The following BLOC1S6 variants were observed in gnomAD, a reference collection of about 807,000 sequenced individuals.
The protein encoded by BLOC1S6 is biogenesis of lysosome-related organelles complex 1 subunit 6.
A neutral mutation model predicts 24.7 loss-of-function variants in BLOC1S6; 24 were observed. The ratio of observed to expected loss-of-function variants is 0.97; its 90% confidence interval spans 0.70 to 1.37. The LOEUF (loss-of-function observed/expected upper bound fraction) is 1.37, where lower values mean the gene tolerates loss of function less well. Among genes scored for constraint, BLOC1S6 ranks in the 40% most tolerant of loss-of-function variants. The probability of loss-of-function intolerance (pLI) is 0.00; values close to 1 mark genes in which losing one functional copy is unlikely to be tolerated. For synonymous variants in BLOC1S6, 76 were observed against 72.6 expected (o/e 1.05, Z -0.23); for missense variants, 175 against 196.2 (o/e 0.89, Z 0.64).
At chr15:45,603,817 G>T (rs1003899113) in intron 3 of BLOC1S6, among the ~76,000 whole-genome samples, 1 of 151,922 alleles carries the variant, frequency 6.6e-6, no homozygotes, top group Non-Finnish European at 1.5e-5. Context: ...CAATTACATG[G>T]TTTCTTAAAT....
In BLOC1S6 at chr15:45,592,139, A is replaced by G. The variant is rs1893909245; in HGVS notation, c.87A>G (p.Leu29=). 1.2e-6 allele frequency: 2 copies of G among 1,613,990 alleles called. No individual in the cohort carries two copies. The highest frequency in any genetic ancestry group is 1.7e-6 in the Non-Finnish European group (2 of 1,180,026). Residue 29 remains leucine, a synonymous_variant, in exon 2 of 5, where the codon TTA becomes TTG. Transcript: ENST00000220531. ...TTTGATTTTTGCTGGGGACAGGTTT[A>G]AGTGACACTTCTCCAGATGAAGGGT... ...CLEAGEPTPG[L]SDTSPDEGLI...
chr15:45,592,417 A>G lies in BLOC1S6; in HGVS notation c.224+141A>G, dbSNP rs539991221. The G allele has an allele frequency of 2.8e-6, 3 of 1,055,574 alleles. No individual in the cohort carries two copies. In the African/African-American group the frequency reaches 4.7e-5, roughly 17 times the overall value. The allele number at this position is 1,055,574 out of a possible 1,614,324, so 65.4% of individuals were successfully genotyped here. On this transcript the variant is annotated intron_variant, in intron 2 of 4. Transcript: ENST00000220531. ...ATGTCTATATCTTTATTGATAGCAG[A>G]TGGGAATAGAGGAGTACATAGTATT...
chr15:45,593,076 T>C (rs1218245773), intron 2 of BLOC1S6, among the ~76,000 whole-genome samples: 2 of 152,060 alleles, frequency 1.3e-5, no homozygotes, highest in Non-Finnish European at 2.9e-5. Context: ...TAATCCTTAG[T>C]GTTAAGGTGC....
At chr15:45,598,037 G>T (rs998174060) in intron 2 of BLOC1S6, 2 of 171,670 alleles carry the variant, frequency 1.2e-5, no homozygotes, top group South Asian at 2.0e-4. Context: ...TTCAATATAC[G>T]CAAATCAATA....
chr15:45,595,684 G>A (rs896013417), intron 2 of BLOC1S6, among the ~76,000 whole-genome samples: 2 of 151,956 alleles, frequency 1.3e-5, no homozygotes, highest in South Asian at 2.1e-4. Flanking sequence ...TATGAATTGT[G>A]CTTTTGGTAG....
chr15:45,602,697 C>T (rs1894312146), intron 2 of BLOC1S6, among the ~76,000 whole-genome samples: 1 of 152,172 alleles, frequency 6.6e-6, no homozygotes, highest in Admixed American at 6.5e-5. Context: ...ATCTTCCTCA[C>T]CTCTAATCTG....
intron 1 of BLOC1S6, 112 bp downstream of exon 1, chr15:45,587,637 G>A (rs1426834134): frequency 1.1e-5 from 12 of 1,066,306 alleles, no homozygotes; most frequent in African/African-American, 1.6e-5. Flanking sequence ...TGGCGGCTGC[G>A]GCCCCCGGGC....
intron 3 of BLOC1S6, 89 bp downstream of exon 3, chr15:45,603,276 T>A: frequency 1.2e-5 from 10 of 825,612 alleles, no homozygotes; most frequent in Non-Finnish European, 2.0e-5. Flanking sequence ...ATTTTAAGCT[T>A]AGAATTTGTC....
intron 1 of BLOC1S6, among the ~76,000 whole-genome samples, chr15:45,590,604 C>T (rs1365997605): frequency 1.3e-5 from 2 of 152,046 alleles, no homozygotes; most frequent in Non-Finnish European, 1.5e-5. Flanking sequence ...GATGGAGTTT[C>T]ACCATGTTGG....
rs1192177013 is a variant in BLOC1S6 at position 45,587,517 on chromosome 15, C to G, written c.74C>G (p.Pro25Arg). 5 of 1,574,066 alleles carry G rather than the reference C, an allele frequency of 3.2e-6. No homozygotes were observed. The highest frequency in any genetic ancestry group is 4.3e-6 in the Non-Finnish European group (5 of 1,160,332). ...RPPYCLEAGE[P>R]TPGLSDTSPD... Reference sequence around the variant, plus strand: ...CCCTACTGCCTGGAGGCCGGGGAGCCGACGCCTGGTACGTACTATCGGGTG... The same window carrying G: ...CCCTACTGCCTGGAGGCCGGGGAGCGGACGCCTGGTACGTACTATCGGGTG... The change falls in exon 1 of 5, where the codon CCG (proline) becomes CGG (arginine). Residue 25 changes from proline (P) to arginine (R), a missense_variant. Transcript: ENST00000220531.
intron 2 of BLOC1S6, among the ~76,000 whole-genome samples, chr15:45,597,574 C>G (rs1014403195): frequency 2.6e-5 from 4 of 152,132 alleles, no homozygotes; most frequent in African/African-American, 4.8e-5. Context: ...ATACTTTTTG[C>G]ATATAGCTCC....
intron 1 of BLOC1S6, among the ~76,000 whole-genome samples, chr15:45,588,491 CCT>C: frequency 6.6e-6 from 1 of 152,052 alleles, no homozygotes; most frequent in South Asian, 2.1e-4. Context: ...TGGACTTTTT[CCT>C]CTCTCTCTCC....
chr15:45,587,323 C>T (rs1000189706), upstream of BLOC1S6: 3 of 987,592 alleles, frequency 3.0e-6, no homozygotes, highest in East Asian at 2.6e-5. Flanking sequence ...GTTTTTTCGC[C>T]CCCGTCACTT....
chr15:45,606,724 C>G lies in BLOC1S6; in HGVS notation c.*210C>G. 1 of 587,490 alleles carries G rather than the reference C, an allele frequency of 1.7e-6. No homozygotes were observed. The highest frequency in any genetic ancestry group is 3.5e-4 in the Middle Eastern group (1 of 2,864). The allele number at this position is 587,490 out of a possible 1,614,324, so 36.4% of individuals were successfully genotyped here. A position where few individuals can be genotyped will look rare whatever the true frequency, so the allele number is the denominator to read the frequency against. ...TTATATGTAAGTTTTTCAAATTTTG[C>G]TTAATTTTAAAATTTATTATTTTGA... On this transcript the variant is annotated 3_prime_UTR_variant, in exon 5 of 5. Coordinates refer to ENST00000220531, the MANE Select transcript of BLOC1S6 (RefSeq NM_012388.4).
chr15:45,594,808 C>T (rs1894008840), intron 2 of BLOC1S6, among the ~76,000 whole-genome samples: 2 of 152,142 alleles, frequency 1.3e-5, no homozygotes, highest in South Asian at 4.1e-4. Context: ...TGGTTTTGAA[C>T]TCCTGACCTC....
Position 45,607,027 on chromosome 15 carries a change from T to C in BLOC1S6, c.*513T>C, listed in dbSNP as rs1193940710. ...TGAACAGTTGAATTTCATCAGAAGC[T>C]CTATAGCTTTTTGGTGAGAGGAAGT... is the stretch of plus-strand genomic sequence containing the variant. On this transcript the variant is annotated 3_prime_UTR_variant, in exon 5 of 5. Coordinates refer to ENST00000220531, the MANE Select transcript of BLOC1S6 (RefSeq NM_012388.4). 6.5e-6 allele frequency: 1 copy of C among 154,124 alleles called. No homozygotes were observed. Among genetic ancestry groups the C allele is most frequent in the Non-Finnish European group, 1.4e-5 (1 of 69,424 alleles). 9.5% of individuals were successfully genotyped at this position (154,124 alleles called of 1,614,324 possible). A position where few individuals can be genotyped will look rare whatever the true frequency, so the allele number is the denominator to read the frequency against.
Position 45,608,787 on chromosome 15 carries a change from A to G in BLOC1S6, c.*2273A>G, listed in dbSNP as rs1450360724. ...CACGAGTCACTAGTATAGACTATCTATCTAGTGAGTTGTATTATAAGCGAT... is the reference window on the plus strand; with the variant it reads ...CACGAGTCACTAGTATAGACTATCTGTCTAGTGAGTTGTATTATAAGCGAT... On this transcript the variant is annotated 3_prime_UTR_variant, in exon 5 of 5. Transcript: ENST00000220531. 2 of 152,202 alleles carry G rather than the reference A, an allele frequency of 1.3e-5. No individual in the cohort carries two copies. Among genetic ancestry groups the G allele is most frequent in the East Asian group, 1.9e-4 (1 of 5,198 alleles). The allele number at this position is 152,202 out of a possible 1,614,324, so 9.4% of individuals were successfully genotyped here.
chr15:45,594,693 C>T (rs1232114461), intron 2 of BLOC1S6, among the ~76,000 whole-genome samples: 1 of 152,100 alleles, frequency 6.6e-6, no homozygotes, highest in African/African-American at 2.4e-5. Flanking sequence ...AAGAGATTCT[C>T]CTGCCTCAGC....
chr15:45,587,711 T>C (rs771233917), intron 1 of BLOC1S6, 186 bp downstream of exon 1: 2 of 718,428 alleles, frequency 2.8e-6, no homozygotes, highest in South Asian at 2.9e-5. Flanking sequence ...TGGGCGGAAC[T>C]GAAGTCCCGA....
Sources: allele counts gnomAD v4.1 joint callset (sites outside exome capture counted in the v4.1 genomes callset), GRCh38; gene constraint gnomAD v4.1.1; transcripts MANE v1.5; gene names NCBI Gene and HGNC (gene_info 2026-07-23, HGNC 2026-07-21).